ASIC2: variants seen among roughly 807,000 people sequenced by gnomAD.
ASIC2 encodes the protein acid-sensing ion channel 2.
A neutral mutation model predicts 57.3 loss-of-function variants in ASIC2; 25 were observed. That is an observed-to-expected ratio of 0.44 (90% CI 0.32 to 0.61). The LOEUF is 0.61. Ranked by LOEUF, ASIC2 falls within the 20% of genes least tolerant of loss-of-function variation. The pLI is 0.06. For missense variants in ASIC2, 641 were observed against 738.1 expected, an observed-to-expected ratio of 0.87 and a Z score of 1.52; for synonymous variants, 319 against 307.5, an observed-to-expected ratio of 1.04 and a Z score of -0.39.
intron 1 of ASIC2, among the ~76,000 whole-genome samples, chr17:33,894,833 T>A (rs1915053167): frequency 6.6e-6 from 1 of 152,174 alleles, no homozygotes; most frequent in Non-Finnish European, 1.5e-5. Flanking sequence ...TACAAAGGAA[T>A]GAGACAGGAT....
At chr17:34,037,276 G>A in intron 1 of ASIC2, 1 of 198,768 alleles carries the variant, frequency 5.0e-6, no homozygotes, top group Non-Finnish European at 1.0e-5. Flanking sequence ...TTCTTCATCT[G>A]AATCAGGGAC....
chr17:33,088,791 C>G lies in ASIC2; in HGVS notation c.987+72G>C. ...CCTTGACCGAGTGGGAATTCCATTT[C>G]TCCTCCTTGTGCCTCTGCAGGGGGT... is the stretch of plus-strand genomic sequence containing the variant. On this transcript the variant is annotated intron_variant, in intron 3 of 9. Transcript: ENST00000225823. 3 of 1,482,030 alleles carry G rather than the reference C, an allele frequency of 2.0e-6. No homozygotes were observed. The East Asian group carries it at 7.4e-5, about 37-fold the overall frequency. 91.8% of individuals were successfully genotyped at this position (1,482,030 alleles called of 1,614,324 possible).
At chr17:33,278,054 T>C (rs1454877893) in intron 1 of ASIC2, among the ~76,000 whole-genome samples, 1 of 152,186 alleles carries the variant, frequency 6.6e-6, no homozygotes, top group African/African-American at 2.4e-5. Context: ...GTTACCCTGT[T>C]TGGAATCCTT....
chr17:33,426,291 G>A (rs1329235405), intron 1 of ASIC2, among the ~76,000 whole-genome samples: 2 of 152,134 alleles, frequency 1.3e-5, no homozygotes, highest in Non-Finnish European at 2.9e-5. Flanking sequence ...CATCCTCAAA[G>A]GCCAGATGGG....
intron 5 of ASIC2, 21 bp downstream of exon 5, chr17:33,025,905 A>G: frequency 6.3e-7 from 1 of 1,588,150 alleles, no homozygotes; most frequent in Non-Finnish European, 8.5e-7. Flanking sequence ...CCATGATTCC[A>G]TCTGTCCCCT....
chr17:34,041,158 T>G (rs1270858919), intron 1 of ASIC2: 1 of 152,250 alleles, frequency 6.6e-6, no homozygotes, highest in Non-Finnish European at 1.5e-5. Flanking sequence ...GAGCATATGG[T>G]TCTCTGCTGA....
At position 33,208,128 on chromosome 17, in the gene ASIC2, G is replaced by A. The variant is rs144559557; in HGVS notation, c.708+83280C>T. ...TCCCCTGACCCCCTGACTGGGGGAGGTAAAGGGAAGGGTGTTGGTTATAAC... is the reference window on the plus strand; with the variant it reads ...TCCCCTGACCCCCTGACTGGGGGAGATAAAGGGAAGGGTGTTGGTTATAAC... On this transcript the variant is annotated intron_variant, in intron 1 of 9. Transcript: ENST00000225823. Among the ~76,000 whole-genome samples the A allele has an allele frequency of 1.4e-3, 206 of 152,328 alleles. 3 individuals are homozygous for A. The highest frequency in any genetic ancestry group is 4.5e-3 in the African/African-American group (186 of 41,580).
Position 33,674,578 on chromosome 17 carries a change from A to G in ASIC2, c.555+481400T>C, listed in dbSNP as rs139186323. 4.1e-4 allele frequency among the ~76,000 whole-genome samples: 62 copies of G among 152,340 alleles called. No individual in the cohort carries two copies. In the East Asian group the frequency reaches 0.011, roughly 27 times the overall value. ...TGTGTCATTTAAGTCTTGTGTCCCT[A>G]TGAACAAAATACTATTTTCTTCACT... On this transcript the variant is annotated intron_variant, in intron 1 of 9. Transcript: ENST00000359872.
chr17:33,897,017 G>C (rs1159212268), intron 1 of ASIC2, among the ~76,000 whole-genome samples: 1 of 152,108 alleles, frequency 6.6e-6, no homozygotes, highest in African/African-American at 2.4e-5. Flanking sequence ...AGATGGGTGG[G>C]GGCTTCAAGA....
chr17:33,283,544 G>A (rs1263038440), intron 1 of ASIC2, among the ~76,000 whole-genome samples: 7 of 152,178 alleles, frequency 4.6e-5, no homozygotes, highest in African/African-American at 1.4e-4. Flanking sequence ...TTTCTGCAAA[G>A]TACTCACAAG....
chr17:33,268,223 T>C (rs1277881166), intron 1 of ASIC2, among the ~76,000 whole-genome samples: 2 of 152,176 alleles, frequency 1.3e-5, no homozygotes, highest in Non-Finnish European at 2.9e-5. Context: ...TCTGATGTCT[T>C]TCCAATATAA....
At chr17:33,866,256 T>C (rs1914234591) in intron 1 of ASIC2, among the ~76,000 whole-genome samples, 1 of 152,196 alleles carries the variant, frequency 6.6e-6, no homozygotes, top group South Asian at 2.1e-4. Context: ...TACCTAGGAG[T>C]GAAATTGCCA....
At chr17:33,181,443 GT>G (rs1905980350) in intron 1 of ASIC2, among the ~76,000 whole-genome samples, 1 of 152,130 alleles carries the variant, frequency 6.6e-6, no homozygotes, top group South Asian at 2.1e-4. Context: ...AGTTTATTCT[GT>G]CACAGTTCTT....
intron 1 of ASIC2, among the ~76,000 whole-genome samples, chr17:33,509,801 A>G (rs2141948058): frequency 6.6e-6 from 1 of 152,364 alleles, no homozygotes; most frequent in East Asian, 1.9e-4. Context: ...TGCTTTGAGT[A>G]CTTAAGGAAC....
chr17:33,522,937 C>T (rs977072470), intron 1 of ASIC2, among the ~76,000 whole-genome samples: 1 of 152,098 alleles, frequency 6.6e-6, no homozygotes, highest in Non-Finnish European at 1.5e-5. Flanking sequence ...CCCCCTACCC[C>T]ACCCACCGCA....
chr17:34,095,609 A>ATATATATATATATATATATATAATTT lies in ASIC2; in HGVS notation c.555+60368_555+60369insAAATTATATATATATATATATATATA, dbSNP rs1567818796. ...AGTTGGGGAGAAGCAGGCAAATTTT[A>ATATATATATATATATATATATAATTT]TATATATATATATATATATAATTTT... On this transcript the variant is annotated intron_variant, in intron 1 of 9. Coordinates refer to the ASIC2 transcript ENST00000359872. Among the ~76,000 whole-genome samples, 289 of 112,602 alleles carry ATATATATATATATATATATATAATTT rather than the reference A, an allele frequency of 2.6e-3. 1 individual carries two copies. Among genetic ancestry groups the ATATATATATATATATATATATAATTT allele is most frequent in the African/African-American group, 3.6e-3 (71 of 19,842 alleles). 73.9% of individuals were successfully genotyped at this position (112,602 alleles called of 152,430 possible).
At chr17:33,898,562 G>A (rs565321632) in intron 1 of ASIC2, among the ~76,000 whole-genome samples, 4 of 152,022 alleles carry the variant, frequency 2.6e-5, no homozygotes, top group East Asian at 1.9e-4. Context: ...CTAGCTTCCC[G>A]TAGTACAATA....
intron 1 of ASIC2, among the ~76,000 whole-genome samples, chr17:33,610,462 C>A (rs1905368049): frequency 6.6e-6 from 1 of 152,216 alleles, no homozygotes; most frequent in African/African-American, 2.4e-5. Context: ...CCCCACCGCC[C>A]ATTGCCCCGC....
At chr17:33,677,022 C>T (rs1907844109) in intron 1 of ASIC2, among the ~76,000 whole-genome samples, 1 of 152,218 alleles carries the variant, frequency 6.6e-6, no homozygotes, top group Non-Finnish European at 1.5e-5. Flanking sequence ...TCCTGCTTCC[C>T]CTTCCACTGT....
Sources: gnomAD v4.1 joint callset for allele counts (sites outside exome capture counted in the v4.1 genomes callset) on GRCh38, gnomAD v4.1.1 for gene constraint, MANE v1.5 for transcripts, NCBI Gene and HGNC (gene_info 2026-07-23, HGNC 2026-07-21) for gene names.